CDK14: variants seen among roughly 807,000 people sequenced by gnomAD.
The protein encoded by CDK14 is cyclin dependent kinase 14.
Under a neutral mutation model 60.7 loss-of-function variants are expected in CDK14, and 34 were observed. The ratio of observed to expected loss-of-function variants is 0.56; its 90% CI spans 0.43 to 0.75. CDK14 has a LOEUF of 0.75. CDK14 is among the 30% of genes least tolerant of loss of function. The pLI is 0.00. For missense variants in CDK14, 482 were observed against 564.1 expected (o/e 0.85, Z 1.47); for synonymous variants, 197 against 203.7 (o/e 0.97, Z 0.28).
intron 5 of CDK14, among the ~76,000 whole-genome samples, chr7:90,856,296 CTT>C (rs1300954429): frequency 5.3e-5 from 8 of 152,152 alleles, no homozygotes; most frequent in African/African-American, 1.4e-4. Flanking sequence ...ACAGTTGACT[CTT>C]TGTACATATG....
At chr7:91,047,822 T>G (rs1260263250) in intron 11 of CDK14, among the ~76,000 whole-genome samples, 1 of 152,134 alleles carries the variant, frequency 6.6e-6, no homozygotes, top group Non-Finnish European at 1.5e-5. Flanking sequence ...AACAACAGAC[T>G]GAGTCAAAGG....
chr7:90,750,991 A>AT lies in CDK14; in HGVS notation c.464+3223dup, dbSNP rs562330878. ...TCTTCTTAACCCAGACAAAAATAATATTTTTTTAAATGAACAAAATCTTTG... is the reference window on the plus strand; with the variant it reads ...TCTTCTTAACCCAGACAAAAATAATATTTTTTTTAAATGAACAAAATCTTTG... On this transcript the variant is annotated intron_variant, in intron 4 of 14. Coordinates refer to ENST00000380050, the MANE Select transcript of CDK14 (RefSeq NM_001287135.2). Among the ~76,000 whole-genome samples the AT allele has an allele frequency of 1.3e-4, 20 of 152,314 alleles. 1 individual carries two copies. The South Asian group carries it at 2.3e-3, about 17-fold the overall frequency.
chr7:90,872,632 A>G (rs1791406093), intron 6 of CDK14, among the ~76,000 whole-genome samples: 1 of 152,132 alleles, frequency 6.6e-6, no homozygotes, highest in African/African-American at 2.4e-5. Context: ...ACTGTCCACT[A>G]TCATGTTGGG....
chr7:91,085,700 C>G (rs541113103), intron 12 of CDK14, among the ~76,000 whole-genome samples: 1 of 152,132 alleles, frequency 6.6e-6, no homozygotes, highest in African/African-American at 2.4e-5. Context: ...GGTCAGACAC[C>G]GTCTATTTTG....
intron 9 of CDK14, among the ~76,000 whole-genome samples, chr7:90,974,264 T>G (rs1795007368): frequency 6.6e-6 from 1 of 151,904 alleles, no homozygotes; most frequent in Non-Finnish European, 1.5e-5. Context: ...GTTATTCTGT[T>G]TTTTTTCAGG....
intron 14 of CDK14, among the ~76,000 whole-genome samples, chr7:91,150,486 C>T (rs1800800614): frequency 6.6e-6 from 1 of 152,072 alleles, no homozygotes; most frequent in African/African-American, 2.4e-5. Context: ...TTTATGTTCT[C>T]ATTGTGTATG....
rs541055526 is a variant in CDK14, at chr7:90,755,399, T to A, written c.464+7624T>A. ...AATATTGCATGTTTTCACTTGTAAG[T>A]GGGAGCTAAGCATTGGGTACACTTG... On this transcript the variant is annotated intron_variant, in intron 4 of 14. Transcript: ENST00000380050. Among the ~76,000 whole-genome samples the A allele has an allele frequency of 1.6e-3, 241 of 152,240 alleles. 1 individual carries two copies. The highest frequency in any genetic ancestry group is 6.8e-3 in the Middle Eastern group (2 of 292).
chr7:91,105,562 G>A (rs1291640430), intron 12 of CDK14, among the ~76,000 whole-genome samples: 1 of 152,190 alleles, frequency 6.6e-6, no homozygotes, highest in Non-Finnish European at 1.5e-5. Context: ...CAGGCCTTTT[G>A]ACAGAAGCAA....
intron 8 of CDK14, among the ~76,000 whole-genome samples, chr7:90,922,823 G>C (rs561005166): frequency 6.6e-6 from 1 of 152,134 alleles, no homozygotes; most frequent in African/African-American, 2.4e-5. Flanking sequence ...AAATATTTGA[G>C]AGCATTTTTC....
At position 90,984,212 on chromosome 7, in the gene CDK14, A is replaced by G; in HGVS notation, c.1012A>G (p.Ile338Val). 1.2e-6 allele frequency: 2 copies of G among 1,612,424 alleles called. No individual in the cohort carries two copies. Among genetic ancestry groups the G allele is most frequent in the South Asian group, 2.2e-5 (2 of 91,062 alleles). ...GVAAFPGMKD[I>V]QDQLERIFLV... ...TGCTGCTTTTCCAGGAATGAAAGAC[A>G]TTCAGGATCAACTTGAACGAATATT... is the stretch of plus-strand genomic sequence containing the variant. The change falls in exon 10 of 15, where the codon ATT (isoleucine) becomes GTT (valine). Residue 338 changes from isoleucine to valine, a missense_variant. Coordinates refer to ENST00000380050, the MANE Select transcript of CDK14 (RefSeq NM_001287135.2).
intron 7 of CDK14, among the ~76,000 whole-genome samples, chr7:90,904,917 G>A (rs1195272166): frequency 6.6e-6 from 1 of 152,138 alleles, no homozygotes; most frequent in East Asian, 1.9e-4. Context: ...TTGAAAATTT[G>A]GACACAGAAG....
At chr7:90,637,490 G>C (rs1244543018) in intron 2 of CDK14, among the ~76,000 whole-genome samples, 1 of 151,268 alleles carries the variant, frequency 6.6e-6, no homozygotes, top group Admixed American at 6.6e-5. Flanking sequence ...TTGCACTGTG[G>C]TCTGAGAGAT....
chr7:90,728,735 C>T (rs1563059659), intron 3 of CDK14, among the ~76,000 whole-genome samples: 1 of 152,038 alleles, frequency 6.6e-6, no homozygotes, highest in Non-Finnish European at 1.5e-5. Context: ...TGGAGAGAAA[C>T]TGTTGGCTGT....
intron 14 of CDK14, among the ~76,000 whole-genome samples, chr7:91,154,476 A>G (rs973682032): frequency 6.6e-6 from 1 of 152,132 alleles, no homozygotes; most frequent in Non-Finnish European, 1.5e-5. Flanking sequence ...TTTCAAGCCA[A>G]CAGATATGGA....
At chr7:91,076,575 A>G (rs1022763399) in intron 11 of CDK14, among the ~76,000 whole-genome samples, 1 of 152,212 alleles carries the variant, frequency 6.6e-6, no homozygotes, top group Non-Finnish European at 1.5e-5. Flanking sequence ...AATACCATTC[A>G]GGACTTACGC....
At chr7:90,727,884 C>A (rs1476211644) in intron 3 of CDK14, among the ~76,000 whole-genome samples, 1 of 151,934 alleles carries the variant, frequency 6.6e-6, no homozygotes, top group East Asian at 1.9e-4. Context: ...TGTTAAATAC[C>A]CATTCTCTGG....
At chr7:90,621,687 GCCTT>G (rs1349799923) in intron 2 of CDK14, among the ~76,000 whole-genome samples, 7 of 132,462 alleles carry the variant, frequency 5.3e-5, no homozygotes, top group Admixed American at 7.5e-5. Flanking sequence ...CTGCCTTCCT[GCCTT>G]CCTTCCTTCC....
At chr7:91,002,401 A>C (rs1795865176) in intron 10 of CDK14, among the ~76,000 whole-genome samples, 1 of 152,176 alleles carries the variant, frequency 6.6e-6, no homozygotes, top group South Asian at 2.1e-4. Flanking sequence ...TTATGTTCTG[A>C]ATGTATTACC....
intron 12 of CDK14, among the ~76,000 whole-genome samples, chr7:91,098,365 T>C (rs553985261): frequency 6.6e-6 from 1 of 152,248 alleles, no homozygotes; most frequent in African/African-American, 2.4e-5. Context: ...GTCTACAAGA[T>C]AATTTTTTAG....
Sources: gnomAD v4.1 joint callset for allele counts (sites outside exome capture counted in the v4.1 genomes callset) on GRCh38, gnomAD v4.1.1 for gene constraint, MANE v1.5 for transcripts, NCBI Gene and HGNC (gene_info 2026-07-23, HGNC 2026-07-21) for gene names.